The following CNTNAP2 variants were observed in gnomAD, a reference collection of about 807,000 sequenced individuals.
The protein encoded by CNTNAP2 is contactin-associated protein-like 2.
Under a neutral mutation model 155.2 loss-of-function variants are expected in CNTNAP2, and 98 were observed. That is an observed-to-expected ratio of 0.63 (90% confidence interval 0.54 to 0.75). CNTNAP2 has a LOEUF of 0.75. Among genes scored for constraint, CNTNAP2 ranks in the 30% least tolerant of loss-of-function variants. CNTNAP2 has a pLI of 0.00. For missense variants in CNTNAP2, 1,727 were observed against 1,688.1 expected (o/e 1.02, Z -0.40); for synonymous variants, 651 against 631.2 (o/e 1.03, Z -0.47).
At chr7:146,373,089 G>A (rs551729698) in intron 1 of CNTNAP2, among the ~76,000 whole-genome samples, 2 of 152,114 alleles carry the variant, frequency 1.3e-5, no homozygotes, top group African/African-American at 4.8e-5. Flanking sequence ...TATCCACTTC[G>A]CTGTACTTCA....
chr7:147,109,549 T>C (rs1800832510), intron 5 of CNTNAP2, among the ~76,000 whole-genome samples: 2 of 152,044 alleles, frequency 1.3e-5, no homozygotes, highest in South Asian at 2.1e-4. Context: ...ATTGTGAATA[T>C]TGAGTAGGAG....
At chr7:146,633,969 A>G (rs528309079) in intron 1 of CNTNAP2, among the ~76,000 whole-genome samples, 25 of 152,202 alleles carry the variant, frequency 1.6e-4, no homozygotes, top group African/African-American at 6.0e-4. Flanking sequence ...CAGGCAGCCT[A>G]CAATGTGATT....
At chr7:148,413,173 C>T in intron 23 of CNTNAP2, among the ~76,000 whole-genome samples, 1 of 151,344 alleles carries the variant, frequency 6.6e-6, no homozygotes, top group Non-Finnish European at 1.5e-5. Flanking sequence ...AGGTGGATTA[C>T]CTGAGGTCAG....
At chr7:146,520,567 T>C (rs1304983134) in intron 1 of CNTNAP2, among the ~76,000 whole-genome samples, 1 of 151,706 alleles carries the variant, frequency 6.6e-6, no homozygotes, top group Non-Finnish European at 1.5e-5. Context: ...ACAATTTCTA[T>C]AATGCAACTG....
chr7:146,967,479 T>C (rs535722128), intron 3 of CNTNAP2, among the ~76,000 whole-genome samples: 137 of 152,308 alleles, frequency 9.0e-4, no homozygotes, highest in Non-Finnish European at 1.7e-3. Context: ...TCCTGTTTTA[T>C]TTCATTGAGA....
chr7:146,903,991 T>C (rs1293262724), intron 3 of CNTNAP2, among the ~76,000 whole-genome samples: 2 of 150,844 alleles, frequency 1.3e-5, no homozygotes, highest in Admixed American at 6.6e-5. Flanking sequence ...ATAATTATTA[T>C]ATGTCAATTT....
chr7:146,832,160 A>C (rs1803525604), intron 2 of CNTNAP2, among the ~76,000 whole-genome samples: 1 of 152,190 alleles, frequency 6.6e-6, no homozygotes, highest in Non-Finnish European at 1.5e-5. Context: ...TGAGCTCATT[A>C]ACGAGTTCAT....
chr7:148,088,640 C>T (rs1208455100), intron 15 of CNTNAP2, among the ~76,000 whole-genome samples: 1 of 151,812 alleles, frequency 6.6e-6, no homozygotes, highest in Non-Finnish European at 1.5e-5. Context: ...CTAAACAAAC[C>T]ATTAATGAGT....
rs375774970 is a variant in CNTNAP2, at chr7:148,132,334, A to G, written c.2554+14046A>G. Among the ~76,000 whole-genome samples the G allele has an allele frequency of 1.4e-4, 22 of 152,218 alleles. No individual in the cohort carries two copies. The South Asian group carries it at 2.7e-3, about 19-fold the overall frequency. On this transcript the variant is annotated intron_variant, in intron 16 of 23. Coordinates refer to ENST00000361727, the MANE Select transcript of CNTNAP2 (RefSeq NM_014141.6). The stretch of plus-strand genomic sequence containing the variant: ...CACAGTAAAAATATATCTTCTTTAA[A>G]AAGATGTTTCTATTTCTTTTGTATT...
In CNTNAP2 at chr7:147,879,291, A is replaced by C. The variant is rs141680902; in HGVS notation, c.2099-24274A>C. Among the ~76,000 whole-genome samples, 413 of 152,298 alleles carry C rather than the reference A, an allele frequency of 2.7e-3. 2 individuals are homozygous for C. The highest frequency in any genetic ancestry group is 0.014 in the Middle Eastern group (4 of 294). On this transcript the variant is annotated intron_variant, in intron 13 of 23. Transcript: ENST00000361727. Reference sequence around the variant, plus strand: ...CCATCTGGACTTTGACGACGAAGGCATCATTTACACAGGGCTGGCATTCAG... The same window carrying C: ...CCATCTGGACTTTGACGACGAAGGCCTCATTTACACAGGGCTGGCATTCAG...
At chr7:146,152,984 C>T (rs781492211) in intron 1 of CNTNAP2, among the ~76,000 whole-genome samples, 1 of 152,112 alleles carries the variant, frequency 6.6e-6, no homozygotes, top group Non-Finnish European at 1.5e-5. Context: ...AATAGAAATA[C>T]TTCAATCAAT....
intron 8 of CNTNAP2, among the ~76,000 whole-genome samples, chr7:147,173,583 T>G (rs1802275955): frequency 6.6e-6 from 1 of 152,088 alleles, no homozygotes; most frequent in South Asian, 2.1e-4. Flanking sequence ...GGAAAAACAT[T>G]TTGTGTATTT....
intron 9 of CNTNAP2, among the ~76,000 whole-genome samples, chr7:147,369,157 G>A (rs896114859): frequency 1.3e-5 from 2 of 152,166 alleles, no homozygotes; most frequent in Non-Finnish European, 2.9e-5. Context: ...CAAAGTAAAG[G>A]ATATTTTATA....
chr7:147,998,103 C>CTTTTTTTT (rs71188938), intron 15 of CNTNAP2, among the ~76,000 whole-genome samples: 34 of 75,810 alleles, frequency 4.5e-4, no homozygotes, highest in East Asian at 1.2e-3. Context: ...TTTCTTTTTT[C>CTTTTTTTT]TTTTTTTTTT....
intron 10 of CNTNAP2, among the ~76,000 whole-genome samples, chr7:147,447,316 G>A (rs1273531141): frequency 6.6e-6 from 1 of 152,158 alleles, no homozygotes; most frequent in African/African-American, 2.4e-5. Flanking sequence ...ATATAGATAT[G>A]TATTTGTTTA....
intron 13 of CNTNAP2, among the ~76,000 whole-genome samples, chr7:147,709,052 C>A (rs1796362509): frequency 6.6e-6 from 1 of 152,096 alleles, no homozygotes; most frequent in Non-Finnish European, 1.5e-5. Context: ...AAAAAACGAC[C>A]CACCGCATAG....
At chr7:146,754,004 G>A (rs2129182903) in intron 1 of CNTNAP2, among the ~76,000 whole-genome samples, 1 of 152,100 alleles carries the variant, frequency 6.6e-6, no homozygotes, top group South Asian at 2.1e-4. Context: ...TTGTGGACAT[G>A]TAGATACATT....
intron 8 of CNTNAP2, among the ~76,000 whole-genome samples, chr7:147,192,691 C>T (rs1050632084): frequency 1.7e-4 from 26 of 152,188 alleles, no homozygotes; most frequent in Admixed American, 9.8e-4. Flanking sequence ...TGTCAAATTC[C>T]TCAGAGTACT....
chr7:147,386,334 A>C (rs1306077325), intron 9 of CNTNAP2, among the ~76,000 whole-genome samples: 1 of 152,120 alleles, frequency 6.6e-6, no homozygotes, highest in Non-Finnish European at 1.5e-5. Flanking sequence ...CTCCTAAGAA[A>C]ATGGGATTTT....
Sources: gnomAD v4.1 joint callset for allele counts (sites outside exome capture counted in the v4.1 genomes callset) on GRCh38, gnomAD v4.1.1 for gene constraint, MANE v1.5 for transcripts, NCBI Gene and HGNC (gene_info 2026-07-23, HGNC 2026-07-21) for gene names.